FER1L6: variants seen among roughly 807,000 people sequenced by gnomAD.
FER1L6 encodes the protein fer-1 like family member 6.
Under a neutral mutation model 219.2 loss-of-function variants are expected in FER1L6, and 177 were observed. That is an observed-to-expected ratio of 0.81 (90% confidence interval 0.71 to 0.91). The LOEUF (loss-of-function observed/expected upper bound fraction) is 0.91. Ranked by LOEUF, FER1L6 falls within the 40% of genes least tolerant of loss-of-function variation. FER1L6 has a pLI of 0.00. For missense variants in FER1L6, 2,153 were observed against 2,259.9 expected, an observed-to-expected ratio of 0.95 and a Z score of 0.96; for synonymous variants, 768 against 824.3, an observed-to-expected ratio of 0.93 and a Z score of 1.17.
rs558128855 is a variant in FER1L6 at position 123,880,597 on chromosome 8, C to T, written c.-8+28412C>T. Among the ~76,000 whole-genome samples the T allele has an allele frequency of 7.2e-5, 11 of 152,208 alleles. No homozygotes were observed. The East Asian group carries it at 2.1e-3, about 29-fold the overall frequency. ...AAGCTGACCCAGGGTATTTTATGGC[C>T]AGACAGCCTGAAAGTGGTTTCTATT... On this transcript the variant is annotated intron_variant, in intron 1 of 40. Coordinates refer to ENST00000522917, the MANE Select transcript of FER1L6 (RefSeq NM_001039112.2).
At chr8:123,998,148 C>T (rs1817221496) in intron 12 of FER1L6, among the ~76,000 whole-genome samples, 1 of 152,070 alleles carries the variant, frequency 6.6e-6, no homozygotes, top group East Asian at 1.9e-4. Flanking sequence ...GCCCATCCTT[C>T]TTAGGAAAGC....
chr8:123,891,677 C>G (rs921438557), intron 1 of FER1L6, among the ~76,000 whole-genome samples: 1 of 152,110 alleles, frequency 6.6e-6, no homozygotes, highest in African/African-American at 2.4e-5. Flanking sequence ...ATTAACAAAT[C>G]CTTGTGCTGT....
chr8:123,961,573 A>T (rs1360407405), intron 2 of FER1L6, among the ~76,000 whole-genome samples: 1 of 152,198 alleles, frequency 6.6e-6, no homozygotes, highest in Non-Finnish European at 1.5e-5. Flanking sequence ...GCAGAGACAG[A>T]CACTTCCAGA....
intron 28 of FER1L6, 62 bp downstream of exon 28, chr8:124,067,868 A>T: frequency 7.1e-7 from 1 of 1,399,882 alleles, no homozygotes; most frequent in Non-Finnish European, 1.0e-6. Flanking sequence ...AGAAAATTGT[A>T]AAATGGAAGC....
intron 13 of FER1L6, among the ~76,000 whole-genome samples, chr8:124,006,911 G>A (rs919939031): frequency 6.6e-6 from 1 of 152,208 alleles, no homozygotes. Context: ...TCATTAGCAC[G>A]AGATGATCCA....
intron 1 of FER1L6, among the ~76,000 whole-genome samples, chr8:123,860,271 G>A (rs62521464): frequency 8.8e-5 from 8 of 91,066 alleles, no homozygotes; most frequent in African/African-American, 1.5e-4. Context: ...GAGAATGATG[G>A]TTTCCAATTT....
At chr8:123,876,486 A>ATTTTTTTT (rs141639119) in intron 1 of FER1L6, among the ~76,000 whole-genome samples, 1 of 151,440 alleles carries the variant, frequency 6.6e-6, no homozygotes, top group African/African-American at 2.4e-5. Flanking sequence ...ACTTGGCTAC[A>ATTTTTTTT]TTTTTTTTGT....
intron 22 of FER1L6, among the ~76,000 whole-genome samples, chr8:124,050,276 C>T (rs1586639408): frequency 1.3e-5 from 2 of 152,264 alleles, no homozygotes; most frequent in Middle Eastern, 3.4e-3. Context: ...CCTTTAAGGC[C>T]TTTTGCTCCT....
At chr8:123,983,477 G>A (rs1048310176) in intron 11 of FER1L6, among the ~76,000 whole-genome samples, 1 of 152,164 alleles carries the variant, frequency 6.6e-6, no homozygotes, top group Non-Finnish European at 1.5e-5. Flanking sequence ...TGATATAGAA[G>A]GAGAGGTATG....
rs761336299 is a variant in FER1L6, at chr8:124,070,592, ATTTAAGGCAGGTTCCATT to A, written c.3966_3966+17del. On this transcript the variant is annotated splice_donor_variant and splice_donor_5th_base_variant and coding_sequence_variant and intron_variant, in exon 30 of 41. Transcript: ENST00000522917. LOFTEE classifies it high-confidence loss of function. ...TTGATGGAGACCGAGTCATAGGAAA[ATTTAAGGCAGGTTCCATT>A]TTTAATCCTTTTATTTGGCTCTCCC... is the stretch of plus-strand genomic sequence containing the variant. 1.3e-6 allele frequency: 2 copies of A among 1,582,880 alleles called. No homozygotes were observed. The highest frequency in any genetic ancestry group is 3.4e-4 in the Middle Eastern group (2 of 5,876).
intron 10 of FER1L6, among the ~76,000 whole-genome samples, chr8:123,977,923 G>A (rs1299637869): frequency 6.6e-6 from 1 of 152,176 alleles, no homozygotes; most frequent in Non-Finnish European, 1.5e-5. Context: ...GAGCTAGGTG[G>A]TAATACTCAC....
chr8:123,890,448 T>A (rs1240184799), intron 1 of FER1L6, among the ~76,000 whole-genome samples: 1 of 151,754 alleles, frequency 6.6e-6, no homozygotes, highest in African/African-American at 2.4e-5. Context: ...TACATATATA[T>A]AAATAATTGA....
intron 34 of FER1L6, among the ~76,000 whole-genome samples, chr8:124,094,289 T>G (rs189986603): frequency 6.6e-6 from 1 of 152,286 alleles, no homozygotes; most frequent in African/African-American, 2.4e-5. Context: ...GCCATGTTTA[T>G]GATCTGTAGA....
In FER1L6 at chr8:123,954,329, C is replaced by T. The variant is rs547224419; in HGVS notation, c.-7-1663C>T. On this transcript the variant is annotated intron_variant, in intron 1 of 40. Transcript: ENST00000522917. Reference sequence around the variant, plus strand: ...CATCCTTTAACAGTGGTTCTCAGGCCTCTGCTTGCATGCCTCCAGGAACTG... The same window carrying T: ...CATCCTTTAACAGTGGTTCTCAGGCTTCTGCTTGCATGCCTCCAGGAACTG... Among the ~76,000 whole-genome samples, 45 of 152,242 alleles carry T rather than the reference C, an allele frequency of 3.0e-4. No individual in the cohort carries two copies. The South Asian group carries it at 9.3e-3, about 32-fold the overall frequency.
chr8:124,106,189 C>T (rs1237071311), intron 39 of FER1L6, among the ~76,000 whole-genome samples: 2 of 151,630 alleles, frequency 1.3e-5, no homozygotes, highest in African/African-American at 2.4e-5. Context: ...ATTAGCTGGG[C>T]GTGGTGGCGG....
intron 1 of FER1L6, among the ~76,000 whole-genome samples, chr8:123,903,885 A>C (rs576318470): frequency 6.6e-6 from 1 of 152,312 alleles, no homozygotes; most frequent in African/African-American, 2.4e-5. Flanking sequence ...TTATGCAAGA[A>C]TCTCATGTTC....
chr8:123,939,094 T>G (rs1375122366), intron 1 of FER1L6: 1 of 835,788 alleles, frequency 1.2e-6, no homozygotes, highest in Non-Finnish European at 1.4e-6. Flanking sequence ...TGTGTAGTAA[T>G]GCCAAGAGAA....
Position 123,963,336 on chromosome 8 carries a change from AG to A in FER1L6, c.137del (p.Gly46GlufsTer25). On this transcript the variant is annotated frameshift_variant, in exon 3 of 41. Coordinates refer to ENST00000522917, the MANE Select transcript of FER1L6 (RefSeq NM_001039112.2). LOFTEE classifies it high-confidence loss of function. ...EEPSHQEGPR[G>X]DLVHDDASIF... is the part of the protein sequence containing the mutation. ...AGCCTTCTCACCAGGAAGGACCGAG[AG>A]GAGATTTGGTCCATGATGATGCTTC... is the stretch of plus-strand genomic sequence containing the variant. 6.2e-7 allele frequency: 1 copy of A among 1,614,122 alleles called. No individual in the cohort carries two copies. The highest frequency in any genetic ancestry group is 1.7e-5 in the Admixed American group (1 of 60,026).
chr8:124,032,208 T>C (rs1297236957), intron 18 of FER1L6, among the ~76,000 whole-genome samples: 1 of 152,102 alleles, frequency 6.6e-6, no homozygotes, highest in Non-Finnish European at 1.5e-5. Context: ...GTGGATCACC[T>C]GAGGTCAGGA....
Sources: allele counts gnomAD v4.1 joint callset (sites outside exome capture counted in the v4.1 genomes callset), GRCh38; gene constraint gnomAD v4.1.1; transcripts MANE v1.5; gene names NCBI Gene and HGNC (gene_info 2026-07-23, HGNC 2026-07-21).